Variants in CNTNAP2 observed in about 807,000 individuals in gnomAD.
CNTNAP2 encodes contactin-associated protein-like 2.
CNTNAP2 carries 98 observed loss-of-function variants against 155.2 expected under a neutral mutation model. The ratio of observed to expected loss-of-function variants is 0.63; its 90% confidence interval spans 0.54 to 0.75. The LOEUF (loss-of-function observed/expected upper bound fraction) is 0.75. Ranked by LOEUF, CNTNAP2 falls within the 30% of genes least tolerant of loss-of-function variation. The pLI is 0.00. For missense variants in CNTNAP2, 1,727 were observed against 1,688.1 expected, an observed-to-expected ratio of 1.02 and a Z score of -0.40; for synonymous variants, 651 against 631.2, an observed-to-expected ratio of 1.03 and a Z score of -0.47.
chr7:148,154,951 T>C (rs1180909843), intron 17 of CNTNAP2, among the ~76,000 whole-genome samples: 4 of 147,530 alleles, frequency 2.7e-5, no homozygotes, highest in Non-Finnish European at 6.0e-5. Context: ...AAAAAAAAAA[T>C]GTACATCTCA....
chr7:148,225,706 A>G lies in CNTNAP2; in HGVS notation c.3248-3940A>G, dbSNP rs556352281. ...GGACAAAAGCTAGTATAATCCCAGC[A>G]AAAGACACTGGTGGCTTGGTCCAGG... is the stretch of plus-strand genomic sequence containing the variant. On this transcript the variant is annotated intron_variant, in intron 19 of 23. Transcript: ENST00000361727. 1.2e-4 allele frequency among the ~76,000 whole-genome samples: 19 copies of G among 152,336 alleles called. No individual in the cohort carries two copies. The South Asian group carries it at 3.7e-3, about 30-fold the overall frequency.
intron 21 of CNTNAP2, among the ~76,000 whole-genome samples, chr7:148,328,924 C>G (rs955147559): frequency 7.7e-6 from 1 of 129,902 alleles, no homozygotes; most frequent in Non-Finnish European, 1.6e-5. Context: ...TGCAGTGAGC[C>G]GAGATTGTGC....
At chr7:148,121,796 G>T (rs1180922876) in intron 16 of CNTNAP2, among the ~76,000 whole-genome samples, 2 of 152,098 alleles carry the variant, frequency 1.3e-5, no homozygotes, top group Non-Finnish European at 2.9e-5. Context: ...GATAAAATTA[G>T]GGCAATCTCA....
At chr7:148,138,413 C>T (rs1805000560) in intron 16 of CNTNAP2, among the ~76,000 whole-genome samples, 1 of 152,168 alleles carries the variant, frequency 6.6e-6, no homozygotes, top group Non-Finnish European at 1.5e-5. Flanking sequence ...TCTCCTTTCT[C>T]CTTGCACTCT....
At chr7:146,456,099 T>C (rs1563090879) in intron 1 of CNTNAP2, among the ~76,000 whole-genome samples, 1 of 152,178 alleles carries the variant, frequency 6.6e-6, no homozygotes, top group Non-Finnish European at 1.5e-5. Flanking sequence ...ACTTGTTCCA[T>C]TCCTAATAAA....
intron 12 of CNTNAP2, among the ~76,000 whole-genome samples, chr7:147,567,569 T>C (rs1357389003): frequency 6.6e-6 from 1 of 151,528 alleles, no homozygotes; most frequent in Non-Finnish European, 1.5e-5. Context: ...GAGGAGGAGA[T>C]TGATTTGATG....
intron 2 of CNTNAP2, among the ~76,000 whole-genome samples, chr7:146,834,723 T>C (rs1186424213): frequency 6.6e-6 from 1 of 152,198 alleles, no homozygotes; most frequent in Non-Finnish European, 1.5e-5. Context: ...TTTATGACTG[T>C]TCAGCATCTC....
At chr7:146,996,888 C>T (rs1430534529) in intron 3 of CNTNAP2, among the ~76,000 whole-genome samples, 1 of 152,070 alleles carries the variant, frequency 6.6e-6, no homozygotes, top group East Asian at 1.9e-4. Flanking sequence ...TGGTTTCCCC[C>T]ATACTGTTCT....
chr7:146,943,542 A>C (rs1797098308), intron 3 of CNTNAP2, among the ~76,000 whole-genome samples: 1 of 152,230 alleles, frequency 6.6e-6, no homozygotes, highest in Admixed American at 6.5e-5. Context: ...ATACATTTAC[A>C]GTACTGTACT....
At chr7:146,987,237 T>G (rs1798129086) in intron 3 of CNTNAP2, among the ~76,000 whole-genome samples, 1 of 152,168 alleles carries the variant, frequency 6.6e-6, no homozygotes, top group Non-Finnish European at 1.5e-5. Flanking sequence ...GAAAAATGTT[T>G]CAAGGTATAC....
Position 147,126,302 on chromosome 7 carries a change from G to C in CNTNAP2, c.940-2391G>C, listed in dbSNP as rs116258876. Among the ~76,000 whole-genome samples the C allele has an allele frequency of 3.2e-3, 488 of 152,196 alleles. 2 individuals are homozygous for C. Among genetic ancestry groups the C allele is most frequent in the African/African-American group, 0.011 (473 of 41,528 alleles). The stretch of plus-strand genomic sequence containing the variant: ...AATCGTTACTGCAGTTATTTCTTTA[G>C]AGGCAAGGTTATTGGATGGCAAGGT... On this transcript the variant is annotated intron_variant, in intron 6 of 23. Coordinates refer to ENST00000361727, the MANE Select transcript of CNTNAP2 (RefSeq NM_014141.6).
chr7:146,318,661 G>C (rs1800950199), intron 1 of CNTNAP2, among the ~76,000 whole-genome samples: 1 of 152,036 alleles, frequency 6.6e-6, no homozygotes, highest in Admixed American at 6.5e-5. Context: ...TGTTTCAAGA[G>C]AGAAGATACG....
intron 18 of CNTNAP2, among the ~76,000 whole-genome samples, chr7:148,196,746 C>T (rs1160677693): frequency 1.3e-5 from 2 of 152,196 alleles, no homozygotes; most frequent in Non-Finnish European, 2.9e-5. Flanking sequence ...AACACCTGTG[C>T]CCTTAACCAC....
intron 15 of CNTNAP2, among the ~76,000 whole-genome samples, chr7:148,036,376 T>G (rs1802574023): frequency 6.6e-6 from 1 of 152,100 alleles, no homozygotes; most frequent in South Asian, 2.1e-4. Flanking sequence ...GTGGGAGGTG[T>G]TTGGATCATG....
At chr7:147,407,195 G>A (rs920061655) in intron 10 of CNTNAP2, among the ~76,000 whole-genome samples, 10 of 152,120 alleles carry the variant, frequency 6.6e-5, no homozygotes, top group Admixed American at 3.9e-4. Context: ...AAGGCCGGGT[G>A]CAGTGGCTCA....
At chr7:148,061,954 TATAGATA>T (rs1285533249) in intron 15 of CNTNAP2, among the ~76,000 whole-genome samples, 1 of 95,944 alleles carries the variant, frequency 1.0e-5, no homozygotes, top group Non-Finnish European at 2.1e-5. Context: ...GATAAACAGA[TATAGATA>T]GATAGATAGA....
At chr7:147,465,115 A>G (rs2116596012) in intron 10 of CNTNAP2, among the ~76,000 whole-genome samples, 2 of 152,330 alleles carry the variant, frequency 1.3e-5, no homozygotes, top group Admixed American at 1.3e-4. Context: ...ATACGTGGAC[A>G]CAAAGATAGA....
chr7:146,986,270 G>A (rs1322191709), intron 3 of CNTNAP2, among the ~76,000 whole-genome samples: 4 of 152,120 alleles, frequency 2.6e-5, no homozygotes, highest in South Asian at 2.1e-4. Flanking sequence ...TTCCATTCCC[G>A]AGTTACTTCA....
intron 1 of CNTNAP2, among the ~76,000 whole-genome samples, chr7:146,282,615 C>G (rs1185021652): frequency 1.3e-5 from 2 of 152,034 alleles, no homozygotes; most frequent in African/African-American, 4.8e-5. Flanking sequence ...TCAGAAAAAT[C>G]ACTAGATAAG....
Sources: gnomAD v4.1 joint callset for allele counts (sites outside exome capture counted in the v4.1 genomes callset) on GRCh38, gnomAD v4.1.1 for gene constraint, MANE v1.5 for transcripts, NCBI Gene and HGNC (gene_info 2026-07-23, HGNC 2026-07-21) for gene names.